The following RBM6 variants were observed in gnomAD, a reference collection of about 807,000 sequenced individuals.
The protein encoded by RBM6 is RNA binding motif protein 6.
In RBM6, 23 loss-of-function variants were observed where a neutral mutation model predicts 140.4. That is an observed-to-expected ratio of 0.16 (90% confidence interval 0.12 to 0.23). The LOEUF (loss-of-function observed/expected upper bound fraction) is 0.23. Among genes scored for constraint, RBM6 ranks in the 10% least tolerant of loss-of-function variants. RBM6 has a pLI of 1.00. For synonymous variants in RBM6, 439 were observed against 475.6 expected (o/e 0.92, Z 1.00); for missense variants, 1,139 against 1,386.7 (o/e 0.82, Z 2.84).
chr3:50,013,208 G>T (rs923735020), intron 6 of RBM6, among the ~76,000 whole-genome samples: 1 of 152,134 alleles, frequency 6.6e-6, no homozygotes, highest in Non-Finnish European at 1.5e-5. Context: ...ATTTCCATTG[G>T]GTTGAGTGGA....
At chr3:50,068,318 T>C (rs149523481) in intron 17 of RBM6, among the ~76,000 whole-genome samples, 8 of 152,312 alleles carry the variant, frequency 5.3e-5, no homozygotes, top group African/African-American at 1.4e-4. Flanking sequence ...CCTTTCCATG[T>C]TTCTCTGGGG....
chr3:49,999,607 C>T, intron 6 of RBM6, 94 bp downstream of exon 6: 1 of 1,078,618 alleles, frequency 9.3e-7, no homozygotes, highest in East Asian at 2.4e-5. Flanking sequence ...TGGAAAGGTA[C>T]AAGAAGTCTA....
intron 5 of RBM6, among the ~76,000 whole-genome samples, chr3:49,978,006 T>A (rs891959599): frequency 1.6e-4 from 25 of 151,840 alleles, no homozygotes; most frequent in Non-Finnish European, 2.9e-4. Context: ...GACTTAAAAA[T>A]TTTTTTTTAT....
At chr3:49,956,338 T>C (rs2083988805) in intron 1 of RBM6, among the ~76,000 whole-genome samples, 1 of 142,554 alleles carries the variant, frequency 7.0e-6, no homozygotes, top group East Asian at 2.0e-4. Context: ...CTTTTTTTTT[T>C]TTTTTTTTTT....
rs2089769702 is a variant in RBM6 at position 50,057,727 on chromosome 3, G to A, written c.1694-1G>A. On this transcript the variant is annotated splice_acceptor_variant, in intron 8 of 20. Coordinates refer to ENST00000266022, the MANE Select transcript of RBM6 (RefSeq NM_005777.3). LOFTEE classifies it high-confidence loss of function. The stretch of plus-strand genomic sequence containing the variant: ...GATTCTCTTTGTTTCTGTTCCACTA[G>A]TGACAGAGGCCAAGCAAGAATTAAT... 7 of 1,598,980 alleles carry A rather than the reference G, an allele frequency of 4.4e-6. No individual in the cohort carries two copies. Among genetic ancestry groups the A allele is most frequent in the Non-Finnish European group, 6.0e-6 (7 of 1,174,120 alleles).
chr3:49,965,183 G>A (rs1322468815), intron 2 of RBM6, among the ~76,000 whole-genome samples: 2 of 152,170 alleles, frequency 1.3e-5, no homozygotes, highest in Admixed American at 1.3e-4. Flanking sequence ...ATTTAGAAGA[G>A]TAAGATAATC....
At chr3:50,021,619 T>C (rs1434086434) in intron 6 of RBM6, among the ~76,000 whole-genome samples, 2 of 151,938 alleles carry the variant, frequency 1.3e-5, no homozygotes, top group Non-Finnish European at 2.9e-5. Context: ...CCAGCCTGGG[T>C]GACAGAGCAA....
intron 6 of RBM6, among the ~76,000 whole-genome samples, chr3:50,010,611 CT>C (rs1223526520): frequency 6.6e-6 from 1 of 151,842 alleles, no homozygotes; most frequent in Non-Finnish European, 1.5e-5. Flanking sequence ...TAGTATGAAA[CT>C]TTTTTTAAGG....
At chr3:50,076,310 C>T (rs2090458955) in intron 20 of RBM6, among the ~76,000 whole-genome samples, 1 of 151,284 alleles carries the variant, frequency 6.6e-6, no homozygotes, top group Non-Finnish European at 1.5e-5. Context: ...GGTCCGGGCG[C>T]AGTGGCTTAT....
chr3:49,967,901 A>G lies in RBM6; in HGVS notation c.476A>G (p.Asp159Gly). Residue 159 changes from aspartate to glycine, a missense_variant, in exon 3 of 21, where the codon GAT becomes GGT. Coordinates refer to ENST00000266022, the MANE Select transcript of RBM6 (RefSeq NM_005777.3). This position sits in a 1 kb window ranked among gnomAD's most constrained non-coding sequence, Gnocchi z 4.0. Reference sequence around the variant, plus strand: ...CCTCATATGAACTACAGAGACAGGGATGCTCACGCTGTTGACTTCAGAGGT... The same window carrying G: ...CCTCATATGAACTACAGAGACAGGGGTGCTCACGCTGTTGACTTCAGAGGT... ...EAPHMNYRDR[D>G]AHAVDFRGRD... 6.2e-7 allele frequency: 1 copy of G among 1,613,878 alleles called. No individual in the cohort carries two copies. The highest frequency in any genetic ancestry group is 8.5e-7 in the Non-Finnish European group (1 of 1,179,826).
At chr3:50,064,352 C>T (rs1317544945) in intron 15 of RBM6, among the ~76,000 whole-genome samples, 1 of 152,104 alleles carries the variant, frequency 6.6e-6, no homozygotes, top group Non-Finnish European at 1.5e-5. Flanking sequence ...GCTTCAGCCA[C>T]TTAATCTGTC....
At chr3:50,072,884 G>A (rs1163850543) in intron 19 of RBM6, among the ~76,000 whole-genome samples, 1 of 152,130 alleles carries the variant, frequency 6.6e-6, no homozygotes, top group Admixed American at 6.5e-5. Flanking sequence ...TTTATTCTCA[G>A]CACCCTTTAT....
At chr3:50,022,462 C>G (rs1040522431) in intron 6 of RBM6, among the ~76,000 whole-genome samples, 1 of 151,906 alleles carries the variant, frequency 6.6e-6, no homozygotes, top group African/African-American at 2.4e-5. Context: ...TCCCGAGTAG[C>G]TGGGATTATA....
At chr3:50,034,533 G>A (rs886974916) in intron 6 of RBM6, among the ~76,000 whole-genome samples, 1 of 152,084 alleles carries the variant, frequency 6.6e-6, no homozygotes, top group African/African-American at 2.4e-5. Flanking sequence ...AGGCCAAGGC[G>A]GCAGATCACT....
Position 50,077,226 on chromosome 3 carries a change from T to A in RBM6, c.*93T>A, listed in dbSNP as rs2090490611. On this transcript the variant is annotated 3_prime_UTR_variant, in exon 21 of 21. Coordinates refer to ENST00000266022, the MANE Select transcript of RBM6 (RefSeq NM_005777.3). ...ACTGTTCTTGCTGCTAGAACTTTTT[T>A]AAATAAACTTTTTTTCAATGTGATT... is the stretch of plus-strand genomic sequence containing the variant. 3 of 1,358,670 alleles carry A rather than the reference T, an allele frequency of 2.2e-6. No individual in the cohort carries two copies. The highest frequency in any genetic ancestry group is 1.5e-5 in the South Asian group (1 of 64,732). 84.2% of individuals were successfully genotyped at this position (1,358,670 alleles called of 1,614,324 possible).
At chr3:49,952,446 A>G (rs2083777408) in intron 1 of RBM6, among the ~76,000 whole-genome samples, 1 of 151,406 alleles carries the variant, frequency 6.6e-6, no homozygotes, top group Non-Finnish European at 1.5e-5. Context: ...GATTAAAGAC[A>G]TGAGCACTGT....
intron 6 of RBM6, among the ~76,000 whole-genome samples, chr3:50,012,603 C>T (rs902202877): frequency 7.2e-5 from 11 of 151,834 alleles, no homozygotes; most frequent in African/African-American, 1.5e-4. Flanking sequence ...GTGATCCGCC[C>T]GTCTCAGCCT....
At chr3:49,971,104 T>C (rs533444436) in intron 3 of RBM6, among the ~76,000 whole-genome samples, 3 of 150,036 alleles carry the variant, frequency 2.0e-5, no homozygotes, top group African/African-American at 4.9e-5. Flanking sequence ...CCATTTCTAC[T>C]AAAAATACAA....
chr3:50,056,515 C>T (rs1293866883), intron 8 of RBM6, among the ~76,000 whole-genome samples: 2 of 152,030 alleles, frequency 1.3e-5, no homozygotes, highest in African/African-American at 2.4e-5. Context: ...AGGATGGTCT[C>T]GATCTCCTGA....
Sources: gnomAD v4.1 joint callset for allele counts (sites outside exome capture counted in the v4.1 genomes callset) on GRCh38, gnomAD v4.1.1 for gene constraint, Gnocchi (gnomAD v3.1) non-coding constraint, MANE v1.5 for transcripts, NCBI Gene and HGNC (gene_info 2026-07-23, HGNC 2026-07-21) for gene names.